GRAMD4: variants seen among roughly 807,000 people sequenced by gnomAD.
The protein encoded by GRAMD4 is GRAM domain containing 4.
Under a neutral mutation model 83.9 loss-of-function variants are expected in GRAMD4, and 25 were observed. The observed-to-expected ratio is 0.30, with a 90% CI of 0.22 to 0.42. The LOEUF (loss-of-function observed/expected upper bound fraction) is 0.42. Among genes scored for constraint, GRAMD4 ranks in the 10% least tolerant of loss-of-function variants. GRAMD4 has a pLI of 1.00. For missense variants in GRAMD4, 593 were observed against 788.7 expected, an observed-to-expected ratio of 0.75 and a Z score of 2.97; for synonymous variants, 336 against 320.9, an observed-to-expected ratio of 1.05 and a Z score of -0.50.
intron 2 of GRAMD4, among the ~76,000 whole-genome samples, chr22:46,635,740 T>C (rs2081872969): frequency 3.3e-5 from 2 of 59,768 alleles, no homozygotes; most frequent in African/African-American, 6.6e-5. Flanking sequence ...GCCCGTGTCC[T>C]CCCTGCCCCC....
At chr22:46,599,292 C>T (rs192355403) in intron 1 of GRAMD4, among the ~76,000 whole-genome samples, 2 of 151,812 alleles carry the variant, frequency 1.3e-5, no homozygotes, top group African/African-American at 2.4e-5. Context: ...TTGAGCTGGT[C>T]GTTTCATAGT....
At chr22:46,610,495 C>T (rs1430121730) in intron 1 of GRAMD4, among the ~76,000 whole-genome samples, 2 of 152,252 alleles carry the variant, frequency 1.3e-5, no homozygotes, top group Non-Finnish European at 1.5e-5. Flanking sequence ...GGCCGTGTGG[C>T]CTGCTGGGCT....
Position 46,637,903 on chromosome 22 carries a change from C to T in GRAMD4, c.226C>T (p.Arg76Ter). Residue 76 changes from arginine (R) to a stop codon, truncating the protein, a stop_gained, in exon 3 of 19, where the codon CGA becomes TGA. Transcript: ENST00000406902. LOFTEE classifies it high-confidence loss of function. ...GGACTTTAACCGGACAGAGTTTGAT[C>T]GACTGAATGAGATCAAAGGTCACCT... Reference protein sequence around the residue: ...VQDFNRTEFDRLNEIKGHLEI... With the variant: ...VQDFNRTEFD The T allele has an allele frequency of 6.2e-7, 1 of 1,613,808 alleles. No individual in the cohort carries two copies. Among genetic ancestry groups the T allele is most frequent in the Non-Finnish European group, 8.5e-7 (1 of 1,179,718 alleles).
intron 2 of GRAMD4, among the ~76,000 whole-genome samples, chr22:46,634,862 G>T (rs1231074351): frequency 6.6e-6 from 1 of 151,830 alleles, no homozygotes; most frequent in East Asian, 1.9e-4. Flanking sequence ...AGAATCGCTT[G>T]AACCTGGGAG....
chr22:46,650,345 G>A (rs2082145667), intron 3 of GRAMD4, among the ~76,000 whole-genome samples: 1 of 150,022 alleles, frequency 6.7e-6, no homozygotes. Flanking sequence ...TGTCGAGGCT[G>A]GGTGGAGGGC....
At chr22:46,580,941 T>C (rs1193672058) in intron 1 of GRAMD4, among the ~76,000 whole-genome samples, 3 of 127,694 alleles carry the variant, frequency 2.3e-5, no homozygotes, top group Non-Finnish European at 4.7e-5. Flanking sequence ...CACTCCAGCC[T>C]GGGCAACAAG....
Position 46,678,157 on chromosome 22 carries a change from G to GCC in GRAMD4, c.*910_*911dup, listed in dbSNP as rs2082626316. Reference sequence around the variant, plus strand: ...AGCACTGTGGCATGTCTGGCACATGGCCCCCAGGCTGCGGTTGCCTGGGTT... The same window carrying GCC: ...AGCACTGTGGCATGTCTGGCACATGGCCCCCCCAGGCTGCGGTTGCCTGGGTT... On this transcript the variant is annotated 3_prime_UTR_variant, in exon 19 of 19. Coordinates refer to ENST00000406902, the MANE Select transcript of GRAMD4 (RefSeq NM_015124.5). 1.0e-6 allele frequency: 1 copy of GCC among 985,464 alleles called. No individual in the cohort carries two copies. Among genetic ancestry groups the GCC allele is most frequent in the South Asian group, 4.7e-5 (1 of 21,294 alleles). The allele number at this position is 985,464 out of a possible 1,614,324, so 61.0% of individuals were successfully genotyped here. A position where few individuals can be genotyped will look rare whatever the true frequency, so the allele number is the denominator to read the frequency against.
At chr22:46,582,169 G>T (rs147704599) in intron 1 of GRAMD4, among the ~76,000 whole-genome samples, 1 of 152,278 alleles carries the variant, frequency 6.6e-6, no homozygotes, top group East Asian at 1.9e-4. Context: ...TGTGAAGTGA[G>T]GTCCAAGGAG....
intron 1 of GRAMD4, among the ~76,000 whole-genome samples, chr22:46,602,341 C>G (rs905698358): frequency 2.6e-5 from 4 of 152,222 alleles, no homozygotes; most frequent in African/African-American, 9.6e-5. Flanking sequence ...TGCTGTGCCT[C>G]TTTGCCAGTC....
chr22:46,671,058 A>C (rs1035195289), intron 13 of GRAMD4: 5 of 465,280 alleles, frequency 1.1e-5, no homozygotes, highest in Admixed American at 4.7e-5. Flanking sequence ...AGTGCTGACA[A>C]GGGACCTCAG....
chr22:46,597,261 G>T (rs958997356), intron 1 of GRAMD4, among the ~76,000 whole-genome samples: 1 of 152,160 alleles, frequency 6.6e-6, no homozygotes, highest in Admixed American at 6.5e-5. Context: ...TGCTAAGCAA[G>T]GCTGTTTTAA....
intron 1 of GRAMD4, among the ~76,000 whole-genome samples, chr22:46,583,799 C>G (rs1386711031): frequency 6.6e-6 from 1 of 152,194 alleles, no homozygotes; most frequent in African/African-American, 2.4e-5. Flanking sequence ...ATGTGTTTGT[C>G]AGGGGTCTTC....
Position 46,659,248 on chromosome 22 carries a change from C to T in GRAMD4, c.404+941C>T, listed in dbSNP as rs967198897. ...CTCAGCCTCCACTCCCTCAGCCTCC[C>T]CCCTCAGTCTCCACCCTCAGTTTCT... On this transcript the variant is annotated intron_variant, in intron 4 of 18. Coordinates refer to ENST00000406902, the MANE Select transcript of GRAMD4 (RefSeq NM_015124.5). The surrounding 1 kb of genome is among the most constrained non-coding windows in gnomAD (Gnocchi z 4.1). 3.2e-5 allele frequency among the ~76,000 whole-genome samples: 4 copies of T among 126,614 alleles called. No homozygotes were observed. The East Asian group carries it at 5.8e-4, about 18-fold the overall frequency. 83.1% of individuals were successfully genotyped at this position (126,614 alleles called of 152,430 possible).
chr22:46,670,537 C>T (rs888371845), intron 13 of GRAMD4, among the ~76,000 whole-genome samples: 9 of 152,158 alleles, frequency 5.9e-5, no homozygotes, highest in Non-Finnish European at 7.4e-5. Flanking sequence ...TGGACAGCTC[C>T]GGGGCAGGCC....
At chr22:46,602,202 A>C (rs1172937575) in intron 1 of GRAMD4, among the ~76,000 whole-genome samples, 1 of 152,204 alleles carries the variant, frequency 6.6e-6, no homozygotes, top group Non-Finnish European at 1.5e-5. Context: ...CCCCACCGCC[A>C]TCGTGCGTGT....
chr22:46,582,223 G>T (rs2081105513), intron 1 of GRAMD4, among the ~76,000 whole-genome samples: 1 of 152,164 alleles, frequency 6.6e-6, no homozygotes, highest in African/African-American at 2.4e-5. Context: ...TTTGTGCTTG[G>T]TGAATTGTTA....
intron 3 of GRAMD4, among the ~76,000 whole-genome samples, chr22:46,643,137 A>ATCCC (rs2082004993): frequency 1.9e-5 from 1 of 51,548 alleles, no homozygotes; most frequent in Non-Finnish European, 4.1e-5. Flanking sequence ...CCATCCATGC[A>ATCCC]TCCTTCCATC....
At chr22:46,577,146 G>T (rs1444427241) in exon 1 of GRAMD4, 1 of 304,078 alleles carries the variant, frequency 3.3e-6, no homozygotes, top group African/African-American at 2.3e-5. Context: ...CTCCGCGCTC[G>T]TGGCCGGGAC....
intron 1 of GRAMD4, among the ~76,000 whole-genome samples, chr22:46,588,584 A>G (rs2081174718): frequency 6.6e-6 from 1 of 152,226 alleles, no homozygotes; most frequent in South Asian, 2.1e-4. Context: ...CTTAGCCATC[A>G]GCTGCCTTTG....
Sources: gnomAD v4.1 joint callset for allele counts (sites outside exome capture counted in the v4.1 genomes callset) on GRCh38, gnomAD v4.1.1 for gene constraint, Gnocchi (gnomAD v3.1) non-coding constraint, MANE v1.5 for transcripts, NCBI Gene and HGNC (gene_info 2026-07-23, HGNC 2026-07-21) for gene names.